ACP3: variants seen among roughly 807,000 people sequenced by gnomAD.
The protein encoded by ACP3 is prostatic acid phosphatase.
In ACP3, 38 loss-of-function variants were observed where a neutral mutation model predicts 45.6. The ratio of observed to expected loss-of-function variants is 0.83; its 90% CI spans 0.64 to 1.09. ACP3 has a LOEUF of 1.09. Ranked by LOEUF, ACP3 falls within the 50% of genes least tolerant of loss-of-function variation. The pLI is 0.00. For missense variants in ACP3, 466 were observed against 463.2 expected (o/e 1.01, Z -0.05); for synonymous variants, 162 against 164.7 (o/e 0.98, Z 0.13).
downstream of ACP3, among the ~76,000 whole-genome samples, chr3:132,362,228 A>G (rs1395368147): frequency 6.6e-6 from 1 of 152,132 alleles, no homozygotes; most frequent in Admixed American, 6.5e-5. Flanking sequence ...AAGAAAACTG[A>G]ACCTCAGAGG....
rs141412229 is a variant in ACP3, at chr3:132,363,868, C to A, written c.1139-3836C>A. ...AGGAGAATTGCTTGAACCCGGGAGG[C>A]GGAGGTTGCAGTGAACCGAGATCGT... On this transcript the variant is annotated intron_variant, in intron 10 of 10. Transcript: ENST00000351273. 3.1e-3 allele frequency among the ~76,000 whole-genome samples: 466 copies of A among 152,130 alleles called. 3 individuals are homozygous for A. Among genetic ancestry groups the A allele is most frequent in the African/African-American group, 0.011 (453 of 41,500 alleles).
chr3:132,317,791 G>T (rs118060633), intron 1 of ACP3, among the ~76,000 whole-genome samples: 19 of 152,194 alleles, frequency 1.2e-4, no homozygotes, highest in African/African-American at 4.1e-4. Context: ...TTTTTTTAGG[G>T]GTTGCTTTTT....
chr3:132,358,258 A>C lies in ACP3; in HGVS notation c.*1380A>C. 1.8e-6 allele frequency: 2 copies of C among 1,123,090 alleles called. No homozygotes were observed. Among genetic ancestry groups the C allele is most frequent in the Non-Finnish European group, 2.2e-6 (2 of 904,798 alleles). The allele number at this position is 1,123,090 out of a possible 1,614,324, so 69.6% of individuals were successfully genotyped here. ...AAAAGGAAGGAAGGGACACATATCA[A>C]ACTGAAACAAAATTAGAAATGTAAT... On this transcript the variant is annotated 3_prime_UTR_variant, in exon 10 of 10. Transcript: ENST00000336375.
At chr3:132,334,097 A>T (rs1167964794) in intron 4 of ACP3, among the ~76,000 whole-genome samples, 1 of 152,160 alleles carries the variant, frequency 6.6e-6, no homozygotes, top group Non-Finnish European at 1.5e-5. Flanking sequence ...ACAAAACAAA[A>T]CAAAGACTGG....
Position 132,338,009 on chromosome 3 carries a change from T to C in ACP3, c.555+455T>C, listed in dbSNP as rs374830996. ...GTACTTTTTAAAATAATCTTTTGAATATTATACATTCATACTGTCCAAAAA... is the reference window on the plus strand; with the variant it reads ...GTACTTTTTAAAATAATCTTTTGAACATTATACATTCATACTGTCCAAAAA... On this transcript the variant is annotated intron_variant, in intron 5 of 9. Transcript: ENST00000336375. Among the ~76,000 whole-genome samples the C allele has an allele frequency of 1.1e-4, 17 of 152,314 alleles. 2 individuals are homozygous for C. Among genetic ancestry groups the C allele is most frequent in the Admixed American group, 3.3e-4 (5 of 15,308 alleles).
In ACP3 at chr3:132,358,165, G is replaced by C. The variant is rs1460739965; in HGVS notation, c.*1287G>C. 1.3e-6 allele frequency: 1 copy of C among 753,994 alleles called. No individual in the cohort carries two copies. The highest frequency in any genetic ancestry group is 1.3e-4 in the East Asian group (1 of 7,960). The allele number at this position is 753,994 out of a possible 1,614,324, so 46.7% of individuals were successfully genotyped here. The stretch of plus-strand genomic sequence containing the variant: ...TGCATTTTGGAAGGCTGAGGCAGGA[G>C]GATCACTTTAGGCCTGGTGTGTTCA... On this transcript the variant is annotated 3_prime_UTR_variant, in exon 10 of 10. Transcript: ENST00000336375.
chr3:132,365,945 G>A (rs79572945), intron 10 of ACP3, among the ~76,000 whole-genome samples: 12,848 of 151,822 alleles, frequency 0.085, 1,235 homozygotes, highest in East Asian at 0.51. Flanking sequence ...AGCCGAGATG[G>A]TGCCACTGCA....
At chr3:132,365,882 T>G (rs1938123526) in intron 10 of ACP3, among the ~76,000 whole-genome samples, 1 of 151,792 alleles carries the variant, frequency 6.6e-6, no homozygotes, top group Non-Finnish European at 1.5e-5. Context: ...TCCCAGCTAC[T>G]GGGAGGCTGA....
downstream of ACP3, among the ~76,000 whole-genome samples, chr3:132,361,116 G>A (rs1019477726): frequency 2.0e-5 from 3 of 152,150 alleles, no homozygotes; most frequent in African/African-American, 7.2e-5. Flanking sequence ...TTTGACTTCT[G>A]TTTTCAGCAT....
At position 132,356,916 on chromosome 3, in the gene ACP3, T is replaced by G; in HGVS notation, c.*38T>G. On this transcript the variant is annotated 3_prime_UTR_variant, in exon 10 of 10. Transcript: ENST00000336375. ...TCTCTGTAGAAGGAGTAGCTGCCCT[T>G]TCTCAGGGCAGATGATGCTTTGAGA... The G allele has an allele frequency of 6.3e-7, 1 of 1,576,270 alleles. No individual in the cohort carries two copies. Among genetic ancestry groups the G allele is most frequent in the South Asian group, 1.1e-5 (1 of 87,200 alleles).
In ACP3 at chr3:132,343,704, A is replaced by G. The variant is rs529099335; in HGVS notation, c.648+1060A>G. On this transcript the variant is annotated intron_variant, in intron 6 of 9. Coordinates refer to ENST00000336375, the MANE Select transcript of ACP3 (RefSeq NM_001099.5). ...TTAATCCTGCCTTTGAAACTGGGGGACTCCTAATCAACTCTTCCTAACGGG... is the reference window on the plus strand; with the variant it reads ...TTAATCCTGCCTTTGAAACTGGGGGGCTCCTAATCAACTCTTCCTAACGGG... 1.9e-4 allele frequency among the ~76,000 whole-genome samples: 29 copies of G among 151,814 alleles called. No individual in the cohort carries two copies. In the South Asian group the frequency reaches 6.0e-3, roughly 32 times the overall value.
chr3:132,349,401 C>A (rs1300354265), intron 7 of ACP3, among the ~76,000 whole-genome samples: 3 of 152,136 alleles, frequency 2.0e-5, no homozygotes, highest in Non-Finnish European at 1.5e-5. Flanking sequence ...TACAAACATC[C>A]AGAGAGCTGC....
intron 1 of ACP3, among the ~76,000 whole-genome samples, chr3:132,320,088 C>A (rs1314193585): frequency 6.6e-6 from 1 of 152,146 alleles, no homozygotes; most frequent in Non-Finnish European, 1.5e-5. Flanking sequence ...GGGAATAGAA[C>A]TGGGTTAAAC....
At chr3:132,337,164 C>T (rs1421751098) in intron 4 of ACP3, among the ~76,000 whole-genome samples, 1 of 151,524 alleles carries the variant, frequency 6.6e-6, no homozygotes, top group Non-Finnish European at 1.5e-5. Flanking sequence ...CAGTTATTCA[C>T]GTGGAAGATC....
intron 1 of ACP3, among the ~76,000 whole-genome samples, chr3:132,327,127 C>A (rs754895700): frequency 7.2e-5 from 11 of 152,224 alleles, no homozygotes; most frequent in Non-Finnish European, 1.2e-4. Flanking sequence ...TCCCCACCTG[C>A]AATCTTTTAC....
At chr3:132,331,195 G>A (rs1937392555) in intron 2 of ACP3, among the ~76,000 whole-genome samples, 1 of 152,128 alleles carries the variant, frequency 6.6e-6, no homozygotes, top group African/African-American at 2.4e-5. Flanking sequence ...TTAATAAACT[G>A]GGCAGATAGT....
chr3:132,350,016 TC>T lies in ACP3; in HGVS notation c.864+15del, dbSNP rs1937686497. 6.5e-7 allele frequency: 1 copy of T among 1,544,936 alleles called. No individual in the cohort carries two copies. Among genetic ancestry groups the T allele is most frequent in the Non-Finnish European group, 9.0e-7 (1 of 1,117,288 alleles). On this transcript the variant is annotated intron_variant, in intron 8 of 9. Coordinates refer to ENST00000336375, the MANE Select transcript of ACP3 (RefSeq NM_001099.5). ...ATGTATTCTGCGGTAAGTATTTTCA[TC>T]TTCATTTAACATATGTTTGTTCAAG...
At chr3:132,328,605 G>T (rs1366591143) in intron 2 of ACP3, among the ~76,000 whole-genome samples, 1 of 151,070 alleles carries the variant, frequency 6.6e-6, no homozygotes, top group Non-Finnish European at 1.5e-5. Flanking sequence ...CTTGAACCTG[G>T]GAAGTGGAGG....
intron 6 of ACP3, 71 bp from the exon 7 acceptor site, chr3:132,344,856 A>G: frequency 6.4e-7 from 1 of 1,557,556 alleles, no homozygotes; most frequent in Non-Finnish European, 8.7e-7. Context: ...GTGAGGTGAA[A>G]AAGGATAAGT....
Sources: allele counts gnomAD v4.1 joint callset (sites outside exome capture counted in the v4.1 genomes callset), GRCh38; gene constraint gnomAD v4.1.1; transcripts MANE v1.5; gene names NCBI Gene and HGNC (gene_info 2026-07-23, HGNC 2026-07-21).